ETS1: variants seen among roughly 807,000 people sequenced by gnomAD.
ETS1 encodes the protein ETS proto-oncogene 1, transcription factor.
A neutral mutation model predicts 58.6 loss-of-function variants in ETS1; 15 were observed. That is an observed-to-expected ratio of 0.26 (90% CI 0.17 to 0.39). The LOEUF (loss-of-function observed/expected upper bound fraction) is 0.39. Among genes scored for constraint, ETS1 ranks in the 10% least tolerant of loss-of-function variants. ETS1 has a pLI of 1.00. For missense variants in ETS1, 417 were observed against 610.5 expected, an observed-to-expected ratio of 0.68 and a Z score of 3.34; for synonymous variants, 214 against 218.2, an observed-to-expected ratio of 0.98 and a Z score of 0.17.
intron 3 of ETS1, among the ~76,000 whole-genome samples, chr11:128,496,110 A>G (rs1395064000): frequency 6.6e-6 from 1 of 152,148 alleles, no homozygotes; most frequent in African/African-American, 2.4e-5. Context: ...TCATAGAGTT[A>G]AAGTTCAATA....
chr11:128,527,078 T>C (rs1341846998), intron 3 of ETS1: 1 of 415,290 alleles, frequency 2.4e-6, no homozygotes, highest in Non-Finnish European at 4.8e-6. Flanking sequence ...CAGGATACAA[T>C]GGACATGGGA....
chr11:128,560,726 T>C (rs1336899004), intron 2 of ETS1, among the ~76,000 whole-genome samples: 1 of 152,216 alleles, frequency 6.6e-6, no homozygotes, highest in African/African-American at 2.4e-5. Context: ...ACCTAGTCTA[T>C]GACAAGTATT....
intron 2 of ETS1, among the ~76,000 whole-genome samples, chr11:128,565,754 G>T (rs1864483319): frequency 6.6e-6 from 1 of 152,104 alleles, no homozygotes; most frequent in Non-Finnish European, 1.5e-5. Context: ...TTCCCACTTT[G>T]GTTTTAAATT....
At chr11:128,578,273 G>A (rs998004323) in intron 1 of ETS1, among the ~76,000 whole-genome samples, 3 of 152,078 alleles carry the variant, frequency 2.0e-5, no homozygotes, top group African/African-American at 4.8e-5. Flanking sequence ...GGACTGTTCA[G>A]GCCAAGGCAG....
chr11:128,485,181 G>C lies in ETS1; in HGVS notation c.614-110C>G, dbSNP rs144341191. Reference sequence around the variant, plus strand: ...GTGGGACAAGCTCCTTAGAGAATAAGGGAAAATACTTTAAATCAGAAAAGC... The same window carrying C: ...GTGGGACAAGCTCCTTAGAGAATAACGGAAAATACTTTAAATCAGAAAAGC... On this transcript the variant is annotated intron_variant, in intron 6 of 9. Transcript: ENST00000392668. 2,442 of 919,880 alleles carry C rather than the reference G, an allele frequency of 2.7e-3. 24 individuals carry two copies. Among genetic ancestry groups the C allele is most frequent in the African/African-American group, 0.026 (1,553 of 60,306 alleles). 57.0% of individuals were successfully genotyped at this position (919,880 alleles called of 1,614,324 possible).
rs141065992 is a variant in ETS1, at chr11:128,538,755, TACACACACACACACAC to T, written c.214+17520_214+17535del. Among the ~76,000 whole-genome samples the T allele has an allele frequency of 8.3e-4, 121 of 144,964 alleles. No individual in the cohort carries two copies. The East Asian group carries it at 0.012, about 15-fold the overall frequency. ...ACACACACACACACACATACACACATACACACACACACACACACACACACACACACACACACCAAAC... is the reference window on the plus strand; with the variant it reads ...ACACACACACACACACATACACACATACACACACACACACACACACCAAAC... On this transcript the variant is annotated intron_variant, in intron 3 of 9. Transcript: ENST00000392668.
Position 128,549,850 on chromosome 11 carries a change from G to A in ETS1, c.214+6441C>T, listed in dbSNP as rs986021546. 2.6e-5 allele frequency among the ~76,000 whole-genome samples: 4 copies of A among 152,162 alleles called. No homozygotes were observed. The highest frequency in any genetic ancestry group is 5.9e-5 in the Non-Finnish European group (4 of 68,030). ...CCTCACCAGGCTGGCCTCTCCTTTG[G>A]CTGGTGAAATGAGGCACAGTGGGCA... On this transcript the variant is annotated intron_variant, in intron 3 of 9. Transcript: ENST00000392668. This position sits in a 1 kb window ranked among gnomAD's most constrained non-coding sequence, Gnocchi z 4.3.
At chr11:128,501,257 G>A (rs1178492135) in intron 3 of ETS1, among the ~76,000 whole-genome samples, 2 of 152,116 alleles carry the variant, frequency 1.3e-5, no homozygotes, top group Non-Finnish European at 2.9e-5. Flanking sequence ...TGAACATCGT[G>A]CTTCTCAGAA....
Position 128,477,876 on chromosome 11 carries a change from TTTAA to T in ETS1, c.1123+2311_1123+2314del, listed in dbSNP as rs1349414025. 3.3e-5 allele frequency among the ~76,000 whole-genome samples: 5 copies of T among 152,358 alleles called. No individual in the cohort carries two copies. The East Asian group carries it at 7.7e-4, about 23-fold the overall frequency. On this transcript the variant is annotated intron_variant, in intron 8 of 9. Transcript: ENST00000392668. ...TAGCACAATGTCTAGCATTCATTTA[TTTAA>T]TTAGTTGATTTAATTCAATTACACT...
In ETS1 at chr11:128,489,465, A is replaced by C; in HGVS notation, c.360T>G (p.His120Gln). The change falls in exon 5 of 10, where the codon CAT becomes CAG. Residue 120 changes from histidine (H) to glutamine (Q), a missense_variant. His to Gln is a conservative substitution (Grantham distance 24). Transcript: ENST00000392668. ...CAGCCCACATCACCCAGTCCCGAAC[A>C]TGGGTTTCTGTCCACTGCCGGGGGT... ...PKDPRQWTET[H>Q]VRDWVMWAVN... is the part of the protein sequence containing the mutation. The C allele has an allele frequency of 6.2e-7, 1 of 1,614,018 alleles. No individual in the cohort carries two copies. Among genetic ancestry groups the C allele is most frequent in the Non-Finnish European group, 8.5e-7 (1 of 1,179,996 alleles).
rs374926844 is a variant in ETS1, at chr11:128,562,432, G to A, written c.70-5997C>T. On this transcript the variant is annotated intron_variant, in intron 2 of 9. Coordinates refer to ENST00000392668, the MANE Select transcript of ETS1 (RefSeq NM_001143820.2). ...TCAAAAAAGAAAAAAGAAAATAAAA[G>A]AGTGGTCCCCAGGCAGCCATGGAGG... Among the ~76,000 whole-genome samples, 350 of 152,184 alleles carry A rather than the reference G, an allele frequency of 2.3e-3. 2 individuals are homozygous for A. Among genetic ancestry groups the A allele is most frequent in the African/African-American group, 8.2e-3 (339 of 41,516 alleles).
At chr11:128,489,900 C>A (rs1401896738) in intron 4 of ETS1, among the ~76,000 whole-genome samples, 1 of 152,166 alleles carries the variant, frequency 6.6e-6, no homozygotes, top group African/African-American at 2.4e-5. Context: ...CTATAATATA[C>A]TTGAGACTAT....
Position 128,460,331 on chromosome 11 carries a change from G to A in ETS1, c.*2030C>T, listed in dbSNP as rs1050010554. ...TTCTGCCTTTGCTTTCCATATGGATGCTCCAATTCATCAGTATGGGGACAC... is the reference window on the plus strand; with the variant it reads ...TTCTGCCTTTGCTTTCCATATGGATACTCCAATTCATCAGTATGGGGACAC... On this transcript the variant is annotated 3_prime_UTR_variant, in exon 10 of 10. Transcript: ENST00000392668. 1.4e-4 allele frequency: 21 copies of A among 152,754 alleles called. No individual in the cohort carries two copies. The highest frequency in any genetic ancestry group is 5.1e-4 in the African/African-American group (21 of 41,422). 9.5% of individuals were successfully genotyped at this position (152,754 alleles called of 1,614,324 possible).
chr11:128,530,401 G>C (rs1863875794), intron 3 of ETS1: 1 of 152,258 alleles, frequency 6.6e-6, no homozygotes, highest in Non-Finnish European at 1.5e-5. Context: ...GGGCATGTGT[G>C]ACGTGTAAGA....
At chr11:128,480,716 C>T (rs577688430) in intron 7 of ETS1, among the ~76,000 whole-genome samples, 4 of 152,266 alleles carry the variant, frequency 2.6e-5, no homozygotes, top group Non-Finnish European at 4.4e-5. Context: ...CAGAGTCAAA[C>T]GTTGCTCACA....
intron 1 of ETS1, among the ~76,000 whole-genome samples, chr11:128,578,141 C>A (rs971684822): frequency 6.6e-6 from 1 of 152,134 alleles, no homozygotes; most frequent in African/African-American, 2.4e-5. Context: ...AACTTCCCAC[C>A]CTCCCCAAAC....
intron 1 of ETS1, among the ~76,000 whole-genome samples, chr11:128,586,306 A>G (rs1342731362): frequency 2.0e-5 from 3 of 152,200 alleles, no homozygotes; most frequent in African/African-American, 7.2e-5. Context: ...CTTTGCAGAC[A>G]TTAACCCATT....
intron 8 of ETS1, among the ~76,000 whole-genome samples, chr11:128,468,848 C>T (rs1029991566): frequency 2.6e-5 from 4 of 152,182 alleles, no homozygotes; most frequent in Non-Finnish European, 4.4e-5. Context: ...CACCAACAAA[C>T]AAAAAATTCT....
chr11:128,490,618 G>A (rs1428179064), intron 3 of ETS1, 42 bp from the exon 4 acceptor site: 2 of 1,524,986 alleles, frequency 1.3e-6, no homozygotes, highest in Admixed American at 1.7e-5. Flanking sequence ...AATTACATAG[G>A]TAATGAACCA....
Sources: gnomAD v4.1 joint callset for allele counts (sites outside exome capture counted in the v4.1 genomes callset) on GRCh38, gnomAD v4.1.1 for gene constraint, Gnocchi (gnomAD v3.1) non-coding constraint, MANE v1.5 for transcripts, NCBI Gene and HGNC (gene_info 2026-07-23, HGNC 2026-07-21) for gene names.